Variants in CCDC81 observed in about 807,000 individuals in gnomAD.
The protein encoded by CCDC81 is coiled-coil domain containing 81, also known as coiled-coil domain-containing protein 81.
In CCDC81, 79 loss-of-function variants were observed where a neutral mutation model predicts 83.7. The observed-to-expected ratio is 0.94, with a 90% CI of 0.79 to 1.14. The LOEUF (loss-of-function observed/expected upper bound fraction) is 1.14, where lower values mean the gene tolerates loss of function less well. Ranked by LOEUF, CCDC81 falls within the 50% of genes most tolerant of loss-of-function variation. CCDC81 has a pLI of 0.00. For synonymous variants in CCDC81, 252 were observed against 278.1 expected, an observed-to-expected ratio of 0.91 and a Z score of 0.93; for missense variants, 791 against 778.1, an observed-to-expected ratio of 1.02 and a Z score of -0.20.
In CCDC81 at chr11:86,375,216, C is replaced by A. The variant is rs1473300927; in HGVS notation, c.53C>A (p.Pro18His). The stretch of plus-strand genomic sequence containing the variant: ...CAGGACCTGGGCAGGCAGGTGCTGC[C>A]CACTCTGCCCTCGCTGAGCCAGGAG... ...ALQDLGRQVL[P>H]TLPSLSQEEV... The change falls in exon 1 of 15, where the codon CCC becomes CAC. Residue 18 changes from proline (P) to histidine (H), a missense_variant. Coordinates refer to ENST00000445632, the MANE Select transcript of CCDC81 (RefSeq NM_001156474.2). 1.2e-6 allele frequency: 2 copies of A among 1,612,178 alleles called. No homozygotes were observed. The highest frequency in any genetic ancestry group is 1.7e-6 in the Non-Finnish European group (2 of 1,179,842).
At chr11:86,414,963 T>C (rs1414731836) in intron 12 of CCDC81, 96 bp downstream of exon 12, 2 of 1,402,410 alleles carry the variant, frequency 1.4e-6, no homozygotes, top group Non-Finnish European at 9.8e-7. Context: ...TTATGTGTTA[T>C]GCATTTGGTA....
At chr11:86,420,269 C>A (rs759524125) in intron 14 of CCDC81, among the ~76,000 whole-genome samples, 1 of 152,142 alleles carries the variant, frequency 6.6e-6, no homozygotes, top group African/African-American at 2.4e-5. Context: ...ATTTACTAAC[C>A]GTGCTCTAAT....
At chr11:86,420,465 T>C (rs1423921371) in intron 14 of CCDC81, among the ~76,000 whole-genome samples, 1 of 152,162 alleles carries the variant, frequency 6.6e-6, no homozygotes, top group African/African-American at 2.4e-5. Flanking sequence ...AGATGCCTAT[T>C]ATGGAGCCAA....
rs185318508 is a variant in CCDC81, at chr11:86,379,408, T to A, written c.79+4166T>A. On this transcript the variant is annotated intron_variant, in intron 1 of 14. Transcript: ENST00000445632. Reference sequence around the variant, plus strand: ...ACCGTGCCAGGCCCAGTTATACTTTTAAAAAAAATTTTAGTAGTTGCCTTA... The same window carrying A: ...ACCGTGCCAGGCCCAGTTATACTTTAAAAAAAAATTTTAGTAGTTGCCTTA... Among the ~76,000 whole-genome samples the A allele has an allele frequency of 6.4e-4, 98 of 152,146 alleles. 1 individual carries two copies. In the East Asian group the frequency reaches 0.017, roughly 27 times the overall value.
intron 9 of CCDC81, 71 bp downstream of exon 9, chr11:86,408,341 A>AT (rs1443829855): frequency 7.2e-7 from 1 of 1,397,666 alleles, no homozygotes; most frequent in East Asian, 2.6e-5. Flanking sequence ...ATTTATTATT[A>AT]TTTTTTATTG....
intron 14 of CCDC81, 77 bp from the exon 15 acceptor site, chr11:86,422,497 C>A: frequency 7.2e-7 from 1 of 1,394,126 alleles, no homozygotes; most frequent in Non-Finnish European, 1.0e-6. Context: ...TGTGTACCTC[C>A]TGCCATACCA....
At chr11:86,384,849 A>G (rs1239587365) in intron 1 of CCDC81, among the ~76,000 whole-genome samples, 1 of 152,252 alleles carries the variant, frequency 6.6e-6, no homozygotes, top group Non-Finnish European at 1.5e-5. Flanking sequence ...GGGCGATGTT[A>G]ACACAGATAT....
At position 86,399,489 on chromosome 11, in the gene CCDC81, T is replaced by C. The variant is rs1235105477; in HGVS notation, c.758-1189T>C. Among the ~76,000 whole-genome samples, 4 of 152,074 alleles carry C rather than the reference T, an allele frequency of 2.6e-5. No homozygotes were observed. The South Asian group carries it at 6.2e-4, about 24-fold the overall frequency. On this transcript the variant is annotated intron_variant, in intron 6 of 14. Coordinates refer to ENST00000445632, the MANE Select transcript of CCDC81 (RefSeq NM_001156474.2). Reference sequence around the variant, plus strand: ...CGCCACCATGCCTGGCTAATTTTTGTACTTTTTGTAGAAACAGGGTTTTGC... The same window carrying C: ...CGCCACCATGCCTGGCTAATTTTTGCACTTTTTGTAGAAACAGGGTTTTGC...
At chr11:86,398,528 ATT>A (rs879875174) in intron 6 of CCDC81, among the ~76,000 whole-genome samples, 5 of 144,352 alleles carry the variant, frequency 3.5e-5, no homozygotes, top group Admixed American at 1.4e-4. Flanking sequence ...GACTCCAAAG[ATT>A]TTTTTTTTTT....
intron 11 of CCDC81, chr11:86,414,310 ATTT>A (rs1160936153): frequency 2.1e-5 from 3 of 144,708 alleles, no homozygotes; most frequent in Non-Finnish European, 3.0e-5. Flanking sequence ...AGCGTATGGA[ATTT>A]TTTTTTTTTT....
At chr11:86,413,661 A>G (rs1435710586) in intron 11 of CCDC81, among the ~76,000 whole-genome samples, 2 of 152,192 alleles carry the variant, frequency 1.3e-5, no homozygotes, top group African/African-American at 4.8e-5. Context: ...GCAATCGCCA[A>G]TACCAGTAGA....
chr11:86,398,731 C>T lies in CCDC81; in HGVS notation c.757+989C>T, dbSNP rs529041320. ...GGGACTACAGGCGCGCACCACCACG[C>T]CCAGCTAATTTTTGTATTTTTAGTA... On this transcript the variant is annotated intron_variant, in intron 6 of 14. Transcript: ENST00000445632. 2.0e-4 allele frequency among the ~76,000 whole-genome samples: 30 copies of T among 152,122 alleles called. 1 individual carries two copies. In the South Asian group the frequency reaches 6.0e-3, roughly 31 times the overall value.
At chr11:86,390,211 T>A (rs1948307223) in intron 3 of CCDC81, among the ~76,000 whole-genome samples, 1 of 152,218 alleles carries the variant, frequency 6.6e-6, no homozygotes, top group South Asian at 2.1e-4. Flanking sequence ...CATGCCTAAC[T>A]CTGCTTTACG....
intron 4 of CCDC81, among the ~76,000 whole-genome samples, chr11:86,394,196 A>G (rs1948372203): frequency 6.6e-6 from 1 of 152,194 alleles, no homozygotes. Context: ...ATTCTGCTGA[A>G]CTTTGTAGCT....
intron 13 of CCDC81, among the ~76,000 whole-genome samples, chr11:86,416,202 A>G (rs771249381): frequency 1.1e-3 from 171 of 152,292 alleles, no homozygotes; most frequent in Non-Finnish European, 1.4e-3. Context: ...TATTCTGTAT[A>G]TAAGTCCTTT....
At chr11:86,383,311 A>T (rs964143244) in intron 1 of CCDC81, among the ~76,000 whole-genome samples, 3 of 152,212 alleles carry the variant, frequency 2.0e-5, no homozygotes, top group Non-Finnish European at 2.9e-5. Flanking sequence ...ATACTATTCC[A>T]TATATCAGTA....
chr11:86,414,933 G>T, intron 12 of CCDC81, 66 bp downstream of exon 12: 1 of 1,445,628 alleles, frequency 6.9e-7, no homozygotes, highest in East Asian at 2.3e-5. Context: ...TAAAATATGT[G>T]TAAGTTGTTA....
At chr11:86,377,148 T>G (rs886246789) in intron 1 of CCDC81, among the ~76,000 whole-genome samples, 1 of 151,858 alleles carries the variant, frequency 6.6e-6, no homozygotes, top group African/African-American at 2.4e-5. Context: ...CTGAATAATA[T>G]TCCATTATCT....
intron 3 of CCDC81, among the ~76,000 whole-genome samples, chr11:86,388,912 A>G (rs1948285327): frequency 6.6e-6 from 1 of 152,200 alleles, no homozygotes; most frequent in Admixed American, 6.5e-5. Flanking sequence ...AGTAGTTTAG[A>G]TCTAAAATTA....
Sources: gnomAD v4.1 joint callset for allele counts (sites outside exome capture counted in the v4.1 genomes callset) on GRCh38, gnomAD v4.1.1 for gene constraint, MANE v1.5 for transcripts, NCBI Gene and HGNC (gene_info 2026-07-23, HGNC 2026-07-21) for gene names.